Variants in FAF1 observed in about 807,000 individuals in gnomAD.
FAF1 encodes Fas associated factor 1, also known as FAS-associated factor 1.
FAF1 carries 25 observed loss-of-function variants against 92.5 expected under a neutral mutation model. The ratio of observed to expected loss-of-function variants is 0.27; its 90% CI spans 0.20 to 0.38. The LOEUF is 0.38. FAF1 is among the 10% of genes least tolerant of loss of function. The probability of loss-of-function intolerance (pLI) is 1.00; values close to 1 mark genes in which losing one functional copy is unlikely to be tolerated. For synonymous variants in FAF1, 234 were observed against 273.2 expected (o/e 0.86, Z 1.42); for missense variants, 636 against 793.3 (o/e 0.80, Z 2.38).
intron 8 of FAF1, among the ~76,000 whole-genome samples, chr1:50,635,693 C>T (rs1020143295): frequency 6.6e-6 from 1 of 152,206 alleles, no homozygotes; most frequent in Non-Finnish European, 1.5e-5. Flanking sequence ...TCAAGCAAAC[C>T]ACCCACCCTG....
At chr1:50,928,427 G>A (rs754939112) in intron 1 of FAF1, among the ~76,000 whole-genome samples, 1 of 152,066 alleles carries the variant, frequency 6.6e-6, no homozygotes, top group Non-Finnish European at 1.5e-5. Context: ...TAGTCTCAGC[G>A]GCATTAATTC....
At chr1:50,834,472 C>A (rs1395305325) in intron 2 of FAF1, among the ~76,000 whole-genome samples, 2 of 152,112 alleles carry the variant, frequency 1.3e-5, no homozygotes, top group African/African-American at 4.8e-5. Context: ...GGTAAGAGGT[C>A]AGGAAACACT....
intron 4 of FAF1, among the ~76,000 whole-genome samples, chr1:50,748,491 CAAA>C (rs11346307): frequency 1.3e-3 from 166 of 127,660 alleles, no homozygotes; most frequent in African/African-American, 2.8e-3. Flanking sequence ...AACTCTGTCT[CAAA>C]AAAAAAAAAA....
At chr1:50,787,318 A>G (rs936190507) in intron 4 of FAF1, among the ~76,000 whole-genome samples, 1 of 152,158 alleles carries the variant, frequency 6.6e-6, no homozygotes, top group African/African-American at 2.4e-5. Context: ...GGTATTGTCT[A>G]TGTGGTAGTA....
At chr1:50,652,569 TAAAC>T (rs1654914719) in intron 8 of FAF1, among the ~76,000 whole-genome samples, 1 of 152,226 alleles carries the variant, frequency 6.6e-6, no homozygotes, top group South Asian at 2.1e-4. Context: ...TCCCTGCTCT[TAAAC>T]AAGACAACTA....
chr1:50,482,623 C>T (rs976986944), intron 17 of FAF1, among the ~76,000 whole-genome samples: 6 of 152,106 alleles, frequency 3.9e-5, no homozygotes, highest in African/African-American at 1.2e-4. Flanking sequence ...TTAGCATTCC[C>T]GTCATTAATG....
intron 8 of FAF1, among the ~76,000 whole-genome samples, chr1:50,600,526 C>A (rs12063326): frequency 0.034 from 5,237 of 151,890 alleles, 292 homozygotes; most frequent in African/African-American, 0.12. Context: ...TATACACACA[C>A]AAAAAAATTA....
chr1:50,799,530 A>T (rs970704350), intron 3 of FAF1, among the ~76,000 whole-genome samples: 1 of 152,120 alleles, frequency 6.6e-6, no homozygotes, highest in Non-Finnish European at 1.5e-5. Context: ...ACTTCTTTAG[A>T]TTGCAGATAA....
chr1:50,498,427 T>C (rs1011262644), intron 15 of FAF1, among the ~76,000 whole-genome samples: 2 of 152,124 alleles, frequency 1.3e-5, no homozygotes, highest in African/African-American at 2.4e-5. Flanking sequence ...AAATTAAACC[T>C]TTTTCACTCA....
At chr1:50,556,470 C>T (rs994031693) in intron 13 of FAF1, among the ~76,000 whole-genome samples, 3 of 152,072 alleles carry the variant, frequency 2.0e-5, no homozygotes, top group Admixed American at 6.6e-5. Flanking sequence ...ATGCTAAAAA[C>T]TCAGATTTCA....
At chr1:50,812,928 G>C (rs140565484) in intron 2 of FAF1, among the ~76,000 whole-genome samples, 1 of 152,116 alleles carries the variant, frequency 6.6e-6, no homozygotes, top group Admixed American at 6.5e-5. Context: ...GCAGCAACAC[G>C]GATGGTGCTG....
chr1:50,792,109 T>G (rs1217246271), intron 3 of FAF1, among the ~76,000 whole-genome samples: 2 of 152,212 alleles, frequency 1.3e-5, no homozygotes, highest in Admixed American at 1.3e-4. Flanking sequence ...TTGACTATTT[T>G]GATGGTAATA....
At chr1:50,580,436 C>T (rs1193377552) in intron 12 of FAF1, among the ~76,000 whole-genome samples, 1 of 151,580 alleles carries the variant, frequency 6.6e-6, no homozygotes, top group Non-Finnish European at 1.5e-5. Flanking sequence ...TTTGAGATGC[C>T]TATATATGGA....
intron 8 of FAF1, among the ~76,000 whole-genome samples, chr1:50,600,498 A>G (rs561082871): frequency 6.6e-6 from 1 of 152,328 alleles, no homozygotes; most frequent in Non-Finnish European, 1.5e-5. Flanking sequence ...GCTTTACCCG[A>G]GAAAGCTCCT....
intron 15 of FAF1, among the ~76,000 whole-genome samples, chr1:50,510,165 CAAAA>C (rs34071985): frequency 1.6e-5 from 1 of 60,938 alleles, no homozygotes; most frequent in Admixed American, 1.5e-4. Context: ...GACTCTGTCT[CAAAA>C]AAAAAAAAAA....
intron 18 of FAF1, chr1:50,470,924 T>C (rs1280723284): frequency 6.6e-6 from 1 of 152,244 alleles, no homozygotes; most frequent in Admixed American, 6.5e-5. Context: ...CTTTCCGTTA[T>C]CACAGCCTGC....
chr1:50,810,407 C>A (rs993166469), intron 2 of FAF1, among the ~76,000 whole-genome samples: 28 of 152,308 alleles, frequency 1.8e-4, no homozygotes, highest in African/African-American at 6.7e-4. Flanking sequence ...CCTCAACAAA[C>A]TAGGCACTGA....
intron 1 of FAF1, among the ~76,000 whole-genome samples, chr1:50,954,907 G>A (rs1289667657): frequency 2.0e-5 from 3 of 152,184 alleles, no homozygotes; most frequent in Non-Finnish European, 4.4e-5. Flanking sequence ...TACTCAGGAA[G>A]CTGAGGTGAG....
intron 15 of FAF1, among the ~76,000 whole-genome samples, chr1:50,531,174 G>A (rs1243925915): frequency 6.6e-6 from 1 of 152,152 alleles, no homozygotes; most frequent in African/African-American, 2.4e-5. Flanking sequence ...TCCTAGAGAT[G>A]AGAATGATGT....
Sources: gnomAD v4.1 joint callset for allele counts (sites outside exome capture counted in the v4.1 genomes callset) on GRCh38, gnomAD v4.1.1 for gene constraint, MANE v1.5 for transcripts, NCBI Gene and HGNC (gene_info 2026-07-23, HGNC 2026-07-21) for gene names.